Variants in C1orf94 observed in about 807,000 individuals in gnomAD.
The protein encoded by C1orf94 is chromosome 1 open reading frame 94, also known as uncharacterized protein C1orf94.
A neutral mutation model predicts 53.6 loss-of-function variants in C1orf94; 45 were observed. That is an observed-to-expected ratio of 0.84 (90% CI 0.66 to 1.08). C1orf94 has a LOEUF of 1.08. Ranked by LOEUF, C1orf94 falls within the 50% of genes least tolerant of loss-of-function variation. The probability of loss-of-function intolerance (pLI) is 0.00; values close to 1 mark genes in which losing one functional copy is unlikely to be tolerated. For synonymous variants in C1orf94, 304 were observed against 296.1 expected (o/e 1.03, Z -0.27); for missense variants, 762 against 738.9 (o/e 1.03, Z -0.36).
chr1:34,193,314 C>T (rs1642524606), intron 1 of C1orf94, among the ~76,000 whole-genome samples: 1 of 152,124 alleles, frequency 6.6e-6, no homozygotes, highest in Non-Finnish European at 1.5e-5. Flanking sequence ...TCCTGTTCAA[C>T]ATTTCTATTT....
intron 4 of C1orf94, among the ~76,000 whole-genome samples, chr1:34,207,541 G>A (rs902674763): frequency 1.3e-5 from 2 of 152,118 alleles, no homozygotes; most frequent in Admixed American, 1.3e-4. Context: ...CAGGTATATG[G>A]ATGGGCACAT....
chr1:34,191,904 G>T (rs1478931), intron 1 of C1orf94, among the ~76,000 whole-genome samples: 20,594 of 152,070 alleles, frequency 0.14, 1,936 homozygotes, highest in African/African-American at 0.27. Flanking sequence ...TACCACAAAT[G>T]CAGAAATAAT....
chr1:34,174,188 C>T (rs1371167730), upstream of C1orf94, among the ~76,000 whole-genome samples: 1 of 152,196 alleles, frequency 6.6e-6, no homozygotes, highest in East Asian at 1.9e-4. Context: ...GAACAACTTC[C>T]CCAGTACAAC....
At chr1:34,193,139 G>A (rs139340851) in intron 1 of C1orf94, among the ~76,000 whole-genome samples, 57 of 152,250 alleles carry the variant, frequency 3.7e-4, no homozygotes, top group African/African-American at 1.3e-3. Context: ...ACTATATGGC[G>A]AATCTCGATG....
chr1:34,184,276 G>C (rs1324487148), intron 1 of C1orf94, among the ~76,000 whole-genome samples: 3 of 152,218 alleles, frequency 2.0e-5, no homozygotes, highest in African/African-American at 7.2e-5. Flanking sequence ...CCTATGGAAA[G>C]AGCCCAGCAG....
At chr1:34,213,575 T>C (rs1642932686) in intron 6 of C1orf94, among the ~76,000 whole-genome samples, 1 of 152,106 alleles carries the variant, frequency 6.6e-6, no homozygotes, top group South Asian at 2.1e-4. Context: ...AGTTTCACCC[T>C]TGTTGTCCAG....
intron 3 of C1orf94, among the ~76,000 whole-genome samples, chr1:34,201,268 C>A (rs540914125): frequency 6.6e-6 from 1 of 152,220 alleles, no homozygotes; most frequent in Non-Finnish European, 1.5e-5. Context: ...TTAATGGTCA[C>A]TTCTGAATAT....
intron 1 of C1orf94, among the ~76,000 whole-genome samples, chr1:34,184,826 T>C (rs557377793): frequency 6.6e-6 from 1 of 152,244 alleles, no homozygotes; most frequent in African/African-American, 2.4e-5. Flanking sequence ...CCTCTTTTGT[T>C]TTTTTTGGTT....
At chr1:34,174,030 G>A (rs1642185258), upstream of C1orf94, among the ~76,000 whole-genome samples, 1 of 152,220 alleles carries the variant, frequency 6.6e-6, no homozygotes, top group Admixed American at 6.5e-5. Flanking sequence ...CCCCGCCTCT[G>A]TCACTAGGTG....
intron 1 of C1orf94, among the ~76,000 whole-genome samples, chr1:34,192,326 A>C (rs564198442): frequency 1.3e-5 from 2 of 152,132 alleles, no homozygotes; most frequent in Non-Finnish European, 2.9e-5. Flanking sequence ...GCCTTGCAGA[A>C]TTTGGGAGGT....
intron 1 of C1orf94, among the ~76,000 whole-genome samples, chr1:34,179,402 A>C (rs929805754): frequency 6.6e-6 from 1 of 152,248 alleles, no homozygotes; most frequent in Middle Eastern, 3.2e-3. Context: ...CTCTGCTCTC[A>C]ATGGCCAAGA....
intron 5 of C1orf94, among the ~76,000 whole-genome samples, chr1:34,210,391 C>T (rs1473947216): frequency 6.6e-6 from 1 of 152,188 alleles, no homozygotes; most frequent in Non-Finnish European, 1.5e-5. Flanking sequence ...GGAGGGAGGA[C>T]TCAGGTTTCC....
intron 2 of C1orf94, among the ~76,000 whole-genome samples, chr1:34,198,311 T>C (rs944854800): frequency 5.9e-5 from 9 of 152,222 alleles, no homozygotes; most frequent in Non-Finnish European, 1.0e-4. Flanking sequence ...ATTTGATTGG[T>C]AGCTGGGGTC....
chr1:34,200,909 C>T lies in C1orf94; in HGVS notation c.1147C>T (p.Pro383Ser), dbSNP rs771988395. 2 of 1,614,112 alleles carry T rather than the reference C, an allele frequency of 1.2e-6. No homozygotes were observed. Among genetic ancestry groups the T allele is most frequent in the Non-Finnish European group, 1.7e-6 (2 of 1,180,028 alleles). ...GGGCACCGCATCACTGACCCTGCCG[C>T]CCAAGAAACCTACATGTCCAGCCGA... ...AVGTASLTLP[P>S]KKPTCPAEKN... The change falls in exon 3 of 7, where the codon CCC becomes TCC. Residue 383 changes from proline to serine, a missense_variant. Transcript: ENST00000488417.
intron 2 of C1orf94, 83 bp from the exon 3 acceptor site, chr1:34,200,689 A>G: frequency 1.3e-6 from 2 of 1,561,234 alleles, no homozygotes; most frequent in East Asian, 4.5e-5. Context: ...CAGAGGATTC[A>G]TCATTTAGTC....
At chr1:34,175,428 G>T (rs1334750556), upstream of C1orf94, among the ~76,000 whole-genome samples, 3 of 152,092 alleles carry the variant, frequency 2.0e-5, no homozygotes, top group African/African-American at 7.2e-5. Flanking sequence ...CATCAGAAAT[G>T]ATCACTTTTC....
chr1:34,197,952 G>A lies in C1orf94; in HGVS notation c.1009+39G>A. The A allele has an allele frequency of 1.3e-6, 2 of 1,551,928 alleles. No homozygotes were observed. The highest frequency in any genetic ancestry group is 1.2e-5 in the South Asian group (1 of 80,666). On this transcript the variant is annotated intron_variant, in intron 2 of 6. Transcript: ENST00000488417. The surrounding 1 kb of genome is among the most constrained non-coding windows in gnomAD (Gnocchi z 4.1). The stretch of plus-strand genomic sequence containing the variant: ...GAACTGGGGTAGAGTGGGCCTGCAA[G>A]GAGGAGGTCCTTCCCAGGAAGCCAA...
At position 34,177,793 on chromosome 1, in the gene C1orf94, A is replaced by G; in HGVS notation, c.4A>G (p.Arg2Gly). The change falls in exon 1 of 7, where the codon AGG becomes GGG. Residue 2 changes from arginine (R) to glycine (G), a missense_variant. Transcript: ENST00000488417. ...TCCTCATCTCCCTTTCTGGTGAATG[A>G]GGGGTGGTGGTGGTTGTGTTCTAGC... M[R>G]GGGGCVLALG... 6.5e-7 allele frequency: 1 copy of G among 1,531,788 alleles called. No individual in the cohort carries two copies. Among genetic ancestry groups the G allele is most frequent in the Non-Finnish European group, 8.8e-7 (1 of 1,133,220 alleles). The allele number at this position is 1,531,788 out of a possible 1,614,324, so 94.9% of individuals were successfully genotyped here. A position where few individuals can be genotyped will look rare whatever the true frequency, so the allele number is the denominator to read the frequency against.
Position 34,208,250 on chromosome 1 carries a change from C to T in C1orf94, c.1524+16C>T. 6.2e-7 allele frequency: 1 copy of T among 1,611,918 alleles called. No homozygotes were observed. The highest frequency in any genetic ancestry group is 1.1e-5 in the South Asian group (1 of 90,414). ...CTCCCAACAGGTGAGTAGACGATCT[C>T]TCCTCCTCTGTCCTGGGTCCATGAA... On this transcript the variant is annotated intron_variant, in intron 5 of 6. Transcript: ENST00000488417.
Sources: gnomAD v4.1 joint callset for allele counts (sites outside exome capture counted in the v4.1 genomes callset) on GRCh38, gnomAD v4.1.1 for gene constraint, Gnocchi (gnomAD v3.1) non-coding constraint, MANE v1.5 for transcripts, NCBI Gene and HGNC (gene_info 2026-07-23, HGNC 2026-07-21) for gene names.